FKBP5: variants seen among roughly 807,000 people sequenced by gnomAD.
The protein encoded by FKBP5 is peptidyl-prolyl cis-trans isomerase FKBP5.
In FKBP5, 23 loss-of-function variants were observed where a neutral mutation model predicts 50.5. The ratio of observed to expected loss-of-function variants is 0.46; its 90% confidence interval spans 0.33 to 0.65. The LOEUF (loss-of-function observed/expected upper bound fraction) is 0.65. FKBP5 is among the 30% of genes least tolerant of loss of function. The probability of loss-of-function intolerance (pLI) is 0.02; values close to 1 mark genes in which losing one functional copy is unlikely to be tolerated. For missense variants in FKBP5, 411 were observed against 553.1 expected (o/e 0.74, Z 2.58); for synonymous variants, 176 against 190.6 (o/e 0.92, Z 0.63).
chr6:35,639,135 C>G (rs535676177), intron 2 of FKBP5, among the ~76,000 whole-genome samples: 2 of 152,130 alleles, frequency 1.3e-5, no homozygotes, highest in Middle Eastern at 3.2e-3. Flanking sequence ...CAAACCAGCA[C>G]TGGTTCTTTT....
chr6:35,591,816 A>G (rs534099330), intron 6 of FKBP5, among the ~76,000 whole-genome samples: 1 of 152,322 alleles, frequency 6.6e-6, no homozygotes, highest in African/African-American at 2.4e-5. Flanking sequence ...AAATAACATA[A>G]TGATATACTC....
At position 35,672,321 on chromosome 6, in the gene FKBP5, A is replaced by G. The variant is rs956484876; in HGVS notation, c.-20+16483T>C. 1.1e-4 allele frequency among the ~76,000 whole-genome samples: 16 copies of G among 152,324 alleles called. No homozygotes were observed. In the South Asian group the frequency reaches 1.2e-3, roughly 12 times the overall value. ...GACAAGAAAAAGAAACCAAACCATG[A>G]GAAATATAAATAATCTGATACAAAG... On this transcript the variant is annotated intron_variant, in intron 1 of 10. Transcript: ENST00000357266.
rs1048207992 is a variant in FKBP5, at chr6:35,655,298, T to C, written c.-19-12455A>G. ...GCACTATTGTAGTGGAGATACAGCA[T>C]TAAACAACAGAAAACAATTTCTGTC... On this transcript the variant is annotated intron_variant, in intron 1 of 10. Coordinates refer to ENST00000357266, the MANE Select transcript of FKBP5 (RefSeq NM_004117.4). Among the ~76,000 whole-genome samples, 7 of 152,344 alleles carry C rather than the reference T, an allele frequency of 4.6e-5. No homozygotes were observed. The East Asian group carries it at 9.6e-4, about 21-fold the overall frequency.
At chr6:35,727,945 G>A (rs547830725) in intron 1 of FKBP5, among the ~76,000 whole-genome samples, 3 of 152,320 alleles carry the variant, frequency 2.0e-5, no homozygotes, top group Non-Finnish European at 2.9e-5. Flanking sequence ...AGTGGGCAGG[G>A]CTGCGGGGCC....
At position 35,580,403 on chromosome 6, in the gene FKBP5, C is replaced by T. The variant is rs77550012; in HGVS notation, c.841-182G>A. On this transcript the variant is annotated intron_variant, in intron 8 of 10. Transcript: ENST00000357266. The stretch of plus-strand genomic sequence containing the variant: ...CTTGGAGGCCTCGATGGCCTGTGGG[C>T]TGGTTTGGGGCAGTGCCTGAGCACT... Among the ~76,000 whole-genome samples, 55 of 152,158 alleles carry T rather than the reference C, an allele frequency of 3.6e-4. 1 individual carries two copies. In the East Asian group the frequency reaches 0.01, roughly 28 times the overall value.
chr6:35,662,230 G>A (rs1399712220), intron 1 of FKBP5, among the ~76,000 whole-genome samples: 5 of 151,060 alleles, frequency 3.3e-5, no homozygotes, highest in African/African-American at 1.2e-4. Flanking sequence ...AAGATTTTCA[G>A]AAGTGGTATG....
intron 1 of FKBP5, among the ~76,000 whole-genome samples, chr6:35,649,234 G>A (rs200504012): frequency 1.5e-5 from 2 of 130,178 alleles, no homozygotes; most frequent in Non-Finnish European, 3.2e-5. Context: ...CTGGGCGACA[G>A]AGCAAGACTC....
chr6:35,585,713 A>C, intron 8 of FKBP5: 1 of 962,292 alleles, frequency 1.0e-6, no homozygotes, highest in Non-Finnish European at 1.2e-6. Flanking sequence ...CACAGTAAGA[A>C]ATATGCAATC....
intron 1 of FKBP5, among the ~76,000 whole-genome samples, chr6:35,647,272 T>G (rs529073393): frequency 6.6e-6 from 1 of 152,298 alleles, no homozygotes; most frequent in African/African-American, 2.4e-5. Context: ...AATGTTACCA[T>G]TATATACTAA....
chr6:35,715,347 C>T (rs928874099), intron 2 of FKBP5, among the ~76,000 whole-genome samples: 5 of 152,120 alleles, frequency 3.3e-5, no homozygotes, highest in Non-Finnish European at 7.3e-5. Flanking sequence ...TCATTTTTCC[C>T]AACTAGAAGA....
chr6:35,614,476 CAAAT>C (rs896870134), intron 5 of FKBP5, among the ~76,000 whole-genome samples: 73 of 151,938 alleles, frequency 4.8e-4, no homozygotes, highest in African/African-American at 1.7e-3. Context: ...TACAGGGTAA[CAAAT>C]GAATAATTTG....
At chr6:35,636,937 A>G in intron 3 of FKBP5, 77 bp downstream of exon 3, 2 of 1,351,378 alleles carry the variant, frequency 1.5e-6, no homozygotes, top group Non-Finnish European at 9.8e-7. Context: ...TTTAGAAAGG[A>G]TAGAATCCTC....
intron 3 of FKBP5, among the ~76,000 whole-genome samples, chr6:35,621,293 C>T (rs9380524): frequency 2.6e-5 from 4 of 152,120 alleles, no homozygotes; most frequent in East Asian, 1.9e-4. Context: ...CAAGTCCTTT[C>T]GGAAACAATA....
intron 5 of FKBP5, among the ~76,000 whole-genome samples, chr6:35,612,985 C>A (rs529859146): frequency 9.8e-5 from 15 of 152,322 alleles, no homozygotes; most frequent in Non-Finnish European, 2.1e-4. Flanking sequence ...AGTTAAGTAA[C>A]TTGTCTAAAG....
At chr6:35,575,970 G>C in intron 10 of FKBP5, 28 bp from the exon 11 acceptor site, 1 of 1,473,188 alleles carries the variant, frequency 6.8e-7, no homozygotes, top group East Asian at 2.3e-5. Context: ...AATCAAGAAG[G>C]TTAGAGAATA....
chr6:35,591,073 AG>A, intron 7 of FKBP5, 56 bp downstream of exon 7: 1 of 1,120,044 alleles, frequency 8.9e-7, no homozygotes, highest in Non-Finnish European at 1.3e-6. Context: ...ACTGATTTAT[AG>A]GAAGTGGATG....
chr6:35,671,382 A>C (rs1198842954), intron 1 of FKBP5, among the ~76,000 whole-genome samples: 1 of 152,046 alleles, frequency 6.6e-6, no homozygotes, highest in Non-Finnish European at 1.5e-5. Context: ...AAAATCTAGA[A>C]TATAGTCATA....
In FKBP5 at chr6:35,683,116, GTATA is replaced by G. The variant is rs573839682; in HGVS notation, c.-20+5684_-20+5687del. Among the ~76,000 whole-genome samples the G allele has an allele frequency of 7.1e-3, 452 of 63,614 alleles. 15 individuals carry two copies. The East Asian group carries it at 0.074, about 10-fold the overall frequency. The allele number at this position is 63,614 out of a possible 152,430, so 41.7% of individuals were successfully genotyped here. A position where few individuals can be genotyped will look rare whatever the true frequency, so the allele number is the denominator to read the frequency against. The stretch of plus-strand genomic sequence containing the variant: ...AAAAAGTGTGTGTGTATATATATAC[GTATA>G]TGTGTGTGTGTGTGTGTGTGTGTGT... On this transcript the variant is annotated intron_variant, in intron 1 of 10. Coordinates refer to ENST00000357266, the MANE Select transcript of FKBP5 (RefSeq NM_004117.4).
At chr6:35,598,642 A>G (rs576320593) in intron 5 of FKBP5, among the ~76,000 whole-genome samples, 5 of 152,342 alleles carry the variant, frequency 3.3e-5, no homozygotes, top group South Asian at 2.1e-4. Flanking sequence ...GTATGACAGC[A>G]TAACAGTCAC....
Sources: gnomAD v4.1 joint callset for allele counts (sites outside exome capture counted in the v4.1 genomes callset) on GRCh38, gnomAD v4.1.1 for gene constraint, MANE v1.5 for transcripts, NCBI Gene and HGNC (gene_info 2026-07-23, HGNC 2026-07-21) for gene names.